CEP128: variants seen among roughly 807,000 people sequenced by gnomAD.
CEP128 encodes the protein centrosomal protein 128, also known as centrosomal protein 128kDa.
In CEP128, 132 loss-of-function variants were observed where a neutral mutation model predicts 156.7. The observed-to-expected ratio is 0.84, with a 90% CI of 0.73 to 0.97. The LOEUF (loss-of-function observed/expected upper bound fraction) is 0.97. Ranked by LOEUF, CEP128 falls within the 50% of genes least tolerant of loss-of-function variation. CEP128 has a pLI of 0.00. For synonymous variants in CEP128, 469 were observed against 448.9 expected (o/e 1.04, Z -0.57); for missense variants, 1,252 against 1,281.9 (o/e 0.98, Z 0.36).
chr14:80,528,243 C>G (rs921312780), intron 22 of CEP128, among the ~76,000 whole-genome samples: 8 of 152,192 alleles, frequency 5.3e-5, no homozygotes, highest in Admixed American at 3.9e-4. Flanking sequence ...TCCCTTTCTA[C>G]CTAATCAAAA....
intron 5 of CEP128, 171 bp downstream of exon 5, chr14:80,905,784 G>A: frequency 5.6e-6 from 3 of 535,446 alleles, no homozygotes; most frequent in Non-Finnish European, 9.4e-6. Context: ...TAACAACAAA[G>A]ACCCTTCAAT....
At chr14:80,608,348 G>A (rs114360339) in intron 19 of CEP128, among the ~76,000 whole-genome samples, 2,877 of 152,312 alleles carry the variant, frequency 0.019, 94 homozygotes, top group South Asian at 0.17. Flanking sequence ...CACATAGGAA[G>A]TGCTCAGTAA....
intron 6 of CEP128, among the ~76,000 whole-genome samples, chr14:80,903,304 G>A (rs1488660481): frequency 6.6e-6 from 1 of 152,018 alleles, no homozygotes; most frequent in East Asian, 1.9e-4. Flanking sequence ...GCATATACAT[G>A]CTAAATAATG....
intron 2 of CEP128, among the ~76,000 whole-genome samples, chr14:80,918,224 C>T (rs547193527): frequency 6.6e-6 from 1 of 152,226 alleles, no homozygotes; most frequent in African/African-American, 2.4e-5. Context: ...CTTTAGAAGA[C>T]AAGACATCTT....
intron 16 of CEP128, among the ~76,000 whole-genome samples, chr14:80,765,406 C>T (rs111242766): frequency 9.2e-5 from 14 of 152,232 alleles, no homozygotes; most frequent in East Asian, 5.8e-4. Context: ...AAATAAGTAA[C>T]GGCAGATGAT....
chr14:80,942,766 G>A (rs961126201), upstream of CEP128, among the ~76,000 whole-genome samples: 1 of 151,102 alleles, frequency 6.6e-6, no homozygotes, highest in East Asian at 1.9e-4. Context: ...GCCCTTCTCC[G>A]TTCATATCCC....
chr14:80,803,151 G>A (rs1883973819), intron 13 of CEP128, among the ~76,000 whole-genome samples: 1 of 152,022 alleles, frequency 6.6e-6, no homozygotes, highest in South Asian at 2.1e-4. Flanking sequence ...AGAACCACAG[G>A]GCATAGTAGG....
At chr14:80,650,723 T>C (rs1489061862) in intron 19 of CEP128, among the ~76,000 whole-genome samples, 1 of 152,230 alleles carries the variant, frequency 6.6e-6, no homozygotes, top group Non-Finnish European at 1.5e-5. Context: ...ATTACATTTA[T>C]TGATTTGCAT....
chr14:80,729,488 G>A (rs965425958), intron 19 of CEP128, among the ~76,000 whole-genome samples: 1 of 152,068 alleles, frequency 6.6e-6, no homozygotes, highest in African/African-American at 2.4e-5. Flanking sequence ...ACATGCATGT[G>A]CAAGAGTCTT....
At chr14:80,751,501 A>G (rs559875764) in intron 18 of CEP128, among the ~76,000 whole-genome samples, 33 of 152,346 alleles carry the variant, frequency 2.2e-4, no homozygotes, top group African/African-American at 7.9e-4. Context: ...GCTATTAATC[A>G]CAGAGCAAAA....
At chr14:80,863,499 T>C (rs1887618492) in intron 8 of CEP128, among the ~76,000 whole-genome samples, 1 of 152,220 alleles carries the variant, frequency 6.6e-6, no homozygotes, top group African/African-American at 2.4e-5. Flanking sequence ...ATCAGGACTC[T>C]AAACGTGAAA....
rs558388424 is a variant in CEP128, at chr14:80,831,124, T to C, written c.1209+19A>G. ...AAAATTAAAATATTTCGAATATGAC[T>C]TAAAAAGAGCAAAGTCACCTCTACT... On this transcript the variant is annotated intron_variant, in intron 13 of 24. Transcript: ENST00000555265. The C allele has an allele frequency of 8.1e-6, 13 of 1,611,396 alleles. No individual in the cohort carries two copies. Among genetic ancestry groups the C allele is most frequent in the Non-Finnish European group, 1.1e-5 (13 of 1,177,694 alleles).
intron 2 of CEP128, among the ~76,000 whole-genome samples, chr14:80,926,887 T>C (rs1366430208): frequency 1.3e-5 from 2 of 152,192 alleles, no homozygotes; most frequent in African/African-American, 2.4e-5. Context: ...ACATTACTAC[T>C]ACAGCTGGCA....
intron 19 of CEP128, among the ~76,000 whole-genome samples, chr14:80,715,182 C>G (rs1393021950): frequency 6.6e-6 from 1 of 151,916 alleles, no homozygotes; most frequent in African/African-American, 2.4e-5. Context: ...GTGACCATAC[C>G]ACTTCCCTTG....
At chr14:80,691,672 GC>G (rs1896724133) in intron 19 of CEP128, among the ~76,000 whole-genome samples, 1 of 152,068 alleles carries the variant, frequency 6.6e-6, no homozygotes, top group Non-Finnish European at 1.5e-5. Flanking sequence ...TGAATAAAGG[GC>G]CAATGGACTA....
At chr14:80,866,152 G>A (rs1282445465) in intron 8 of CEP128, among the ~76,000 whole-genome samples, 4 of 152,016 alleles carry the variant, frequency 2.6e-5, no homozygotes, top group Non-Finnish European at 5.9e-5. Flanking sequence ...CTCAGTACTA[G>A]ACTGGCCCCT....
At chr14:80,660,594 C>T (rs1028686264) in intron 19 of CEP128, among the ~76,000 whole-genome samples, 8 of 152,096 alleles carry the variant, frequency 5.3e-5, no homozygotes, top group Admixed American at 3.3e-4. Context: ...CAGATCATTA[C>T]CTTGTTGAGT....
At position 80,765,199 on chromosome 14, in the gene CEP128, C is replaced by T. The variant is rs115952600; in HGVS notation, c.2377-3586G>A. The stretch of plus-strand genomic sequence containing the variant: ...CAAACATTTGCATGAAATGTCATTA[C>T]TTTTGTCCCATTCATCTGGTTTGGG... On this transcript the variant is annotated intron_variant, in intron 16 of 24. Coordinates refer to ENST00000555265, the MANE Select transcript of CEP128 (RefSeq NM_152446.5). Among the ~76,000 whole-genome samples the T allele has an allele frequency of 5.9e-3, 903 of 152,320 alleles. 10 individuals are homozygous for T. The highest frequency in any genetic ancestry group is 0.02 in the African/African-American group (837 of 41,562).
At chr14:80,682,101 CT>C (rs1896346709) in intron 19 of CEP128, among the ~76,000 whole-genome samples, 1 of 151,850 alleles carries the variant, frequency 6.6e-6, no homozygotes, top group African/African-American at 2.4e-5. Flanking sequence ...GAGTAAGACC[CT>C]TTCCCCCCAC....
Sources: allele counts gnomAD v4.1 joint callset (sites outside exome capture counted in the v4.1 genomes callset), GRCh38; gene constraint gnomAD v4.1.1; transcripts MANE v1.5; gene names NCBI Gene and HGNC (gene_info 2026-07-23, HGNC 2026-07-21).